LAMA2: variants seen among roughly 807,000 people sequenced by gnomAD.
LAMA2 encodes laminin subunit alpha 2.
LAMA2 carries 269 observed loss-of-function variants against 364.8 expected under a neutral mutation model. The observed-to-expected ratio is 0.74, with a 90% confidence interval of 0.67 to 0.82. The LOEUF (loss-of-function observed/expected upper bound fraction) is 0.82. Ranked by LOEUF, LAMA2 falls within the 40% of genes least tolerant of loss-of-function variation. LAMA2 has a pLI of 0.00. For synonymous variants in LAMA2, 1,379 were observed against 1,370.6 expected (o/e 1.01, Z -0.14); for missense variants, 3,807 against 3,873.2 (o/e 0.98, Z 0.45).
intron 1 of LAMA2, among the ~76,000 whole-genome samples, chr6:129,026,570 G>A (rs1190959105): frequency 1.3e-5 from 2 of 152,144 alleles, no homozygotes; most frequent in Admixed American, 1.3e-4. Context: ...AACTCTTTCA[G>A]ATGTTAAGGA....
chr6:129,222,830 T>A (rs1783959924), intron 12 of LAMA2, among the ~76,000 whole-genome samples: 1 of 152,224 alleles, frequency 6.6e-6, no homozygotes, highest in African/African-American at 2.4e-5. Flanking sequence ...TATAGCAGCA[T>A]GATTTATAAT....
intron 1 of LAMA2, chr6:128,905,450 T>C (rs1019162263): frequency 1.3e-5 from 2 of 152,240 alleles, no homozygotes; most frequent in East Asian, 3.9e-4. Context: ...TTTCAACTGT[T>C]CTTGAGATCC....
chr6:129,069,152 A>G (rs1773136577), intron 3 of LAMA2, among the ~76,000 whole-genome samples: 1 of 151,976 alleles, frequency 6.6e-6, no homozygotes. Context: ...CTGTTAAAAA[A>G]TCTGTGAGGA....
intron 17 of LAMA2, among the ~76,000 whole-genome samples, chr6:129,273,218 G>T (rs141900050): frequency 6.6e-6 from 1 of 152,132 alleles, no homozygotes; most frequent in Non-Finnish European, 1.5e-5. Flanking sequence ...GTATATATGC[G>T]AAGGGTTAGA....
chr6:129,442,781 G>A lies in LAMA2; in HGVS notation c.6269-282G>A, dbSNP rs57450570. 2,398 of 448,860 alleles carry A rather than the reference G, an allele frequency of 5.3e-3. 61 individuals carry two copies. The highest frequency in any genetic ancestry group is 0.046 in the African/African-American group (2,230 of 48,916). The allele number at this position is 448,860 out of a possible 1,614,324, so 27.8% of individuals were successfully genotyped here. ...GTTTTAATCCTATCCTCTATTATGAGAAATAGTTAATTATCTATAAATATT... is the reference window on the plus strand; with the variant it reads ...GTTTTAATCCTATCCTCTATTATGAAAAATAGTTAATTATCTATAAATATT... On this transcript the variant is annotated intron_variant, in intron 43 of 64. Transcript: ENST00000421865.
chr6:129,007,754 T>G (rs919912556), intron 1 of LAMA2, among the ~76,000 whole-genome samples: 1 of 152,176 alleles, frequency 6.6e-6, no homozygotes, highest in Non-Finnish European at 1.5e-5. Flanking sequence ...TAGGCTGCCA[T>G]TTTTTTCCTA....
chr6:128,937,269 T>A (rs752676686), intron 1 of LAMA2, among the ~76,000 whole-genome samples: 5 of 152,312 alleles, frequency 3.3e-5, no homozygotes, highest in Non-Finnish European at 5.9e-5. Context: ...GATTTGCTAG[T>A]ATTTTTTTGA....
intron 36 of LAMA2, among the ~76,000 whole-genome samples, chr6:129,392,255 A>G (rs114618175): frequency 9.2e-5 from 14 of 152,346 alleles, no homozygotes; most frequent in African/African-American, 2.4e-4. Context: ...ATACATCTCT[A>G]CATTCATAGT....
chr6:128,898,288 T>C (rs566205205), intron 1 of LAMA2, among the ~76,000 whole-genome samples: 3 of 152,282 alleles, frequency 2.0e-5, no homozygotes, highest in South Asian at 2.1e-4. Flanking sequence ...GCCTATTTAT[T>C]TGATGTCTTC....
At chr6:129,407,160 TC>T (rs1780287840) in intron 40 of LAMA2, among the ~76,000 whole-genome samples, 10 of 152,032 alleles carry the variant, frequency 6.6e-5, no homozygotes, top group Non-Finnish European at 1.2e-4. Context: ...CCTCTTCCAG[TC>T]CAGTGACTCA....
intron 47 of LAMA2, among the ~76,000 whole-genome samples, chr6:129,455,844 T>A (rs1445435019): frequency 6.6e-6 from 1 of 152,144 alleles, no homozygotes; most frequent in Non-Finnish European, 1.5e-5. Flanking sequence ...ATCCAAGATA[T>A]TATAAAGAAT....
chr6:129,224,120 G>A (rs1165871200), intron 12 of LAMA2, among the ~76,000 whole-genome samples: 1 of 152,148 alleles, frequency 6.6e-6, no homozygotes, highest in East Asian at 1.9e-4. Flanking sequence ...GTGAATAGGA[G>A]TTCACTCATG....
intron 1 of LAMA2, among the ~76,000 whole-genome samples, chr6:128,922,895 A>C (rs1044914521): frequency 6.6e-6 from 1 of 151,924 alleles, no homozygotes; most frequent in Non-Finnish European, 1.5e-5. Flanking sequence ...ATAAGGTGTA[A>C]GGAAGGGATC....
chr6:129,059,740 T>G, intron 2 of LAMA2, 44 bp from the exon 3 acceptor site: 10 of 1,205,676 alleles, frequency 8.3e-6, no homozygotes, highest in Non-Finnish European at 1.1e-5. Flanking sequence ...ACTAGTTATA[T>G]GATCTTTTCT....
intron 12 of LAMA2, among the ~76,000 whole-genome samples, chr6:129,231,692 T>C (rs558663495): frequency 8.5e-4 from 130 of 152,244 alleles, no homozygotes; most frequent in Middle Eastern, 3.4e-3. Context: ...AAACTACCCA[T>C]GCACTTTCCT....
intron 1 of LAMA2, among the ~76,000 whole-genome samples, chr6:128,923,687 C>G (rs1381588090): frequency 6.6e-6 from 1 of 152,148 alleles, no homozygotes; most frequent in Non-Finnish European, 1.5e-5. Context: ...AACACAATTA[C>G]TCAATCACTA....
intron 1 of LAMA2, among the ~76,000 whole-genome samples, chr6:128,895,051 A>G (rs931594000): frequency 2.6e-5 from 4 of 152,208 alleles, no homozygotes; most frequent in East Asian, 1.9e-4. Flanking sequence ...ATCTATAGCC[A>G]TATGAAGGTA....
chr6:129,326,482 T>C (rs922682519), intron 28 of LAMA2, among the ~76,000 whole-genome samples: 126 of 152,182 alleles, frequency 8.3e-4, no homozygotes, highest in African/African-American at 2.7e-3. Flanking sequence ...GTATTACTTC[T>C]TGTGTTTCTT....
At chr6:129,145,736 A>C (rs1583130570) in intron 5 of LAMA2, among the ~76,000 whole-genome samples, 1 of 151,976 alleles carries the variant, frequency 6.6e-6, no homozygotes, top group African/African-American at 2.4e-5. Flanking sequence ...GAAAGTACTC[A>C]AGTTCAATAA....
Sources: gnomAD v4.1 joint callset for allele counts (sites outside exome capture counted in the v4.1 genomes callset) on GRCh38, gnomAD v4.1.1 for gene constraint, MANE v1.5 for transcripts, NCBI Gene and HGNC (gene_info 2026-07-23, HGNC 2026-07-21) for gene names.